The following CRISPLD2 variants were observed in gnomAD, a reference collection of about 807,000 sequenced individuals.
CRISPLD2 encodes cysteine rich secretory protein LCCL domain containing 2.
CRISPLD2 carries 47 observed loss-of-function variants against 71.1 expected under a neutral mutation model. The observed-to-expected ratio is 0.66, with a 90% confidence interval of 0.52 to 0.84. The LOEUF is 0.84. Ranked by LOEUF, CRISPLD2 falls within the 40% of genes least tolerant of loss-of-function variation. CRISPLD2 has a pLI of 0.00. For missense variants in CRISPLD2, 830 were observed against 651.1 expected (o/e 1.27, Z -2.99); for synonymous variants, 317 against 250.1 (o/e 1.27, Z -2.52).
In CRISPLD2 at chr16:84,887,338, C is replaced by G. The variant is rs74031012; in HGVS notation, c.1306-1892C>G. 6.8e-3 allele frequency among the ~76,000 whole-genome samples: 1,031 copies of G among 152,316 alleles called. 8 individuals are homozygous for G. Among genetic ancestry groups the G allele is most frequent in the African/African-American group, 0.024 (991 of 41,562 alleles). The stretch of plus-strand genomic sequence containing the variant: ...GAGTCTGCCCCGTTCACCCTCCCCA[C>G]CCTTGAACCACAAAGTGCCTGGGGG... On this transcript the variant is annotated intron_variant, in intron 13 of 14. Transcript: ENST00000262424.
intron 1 of CRISPLD2, among the ~76,000 whole-genome samples, chr16:84,821,882 T>G (rs1361999337): frequency 1.3e-5 from 2 of 152,226 alleles, no homozygotes; most frequent in African/African-American, 2.4e-5. Context: ...AGCTGGGCAC[T>G]TTTTACAAGG....
intron 2 of CRISPLD2, among the ~76,000 whole-genome samples, chr16:84,843,193 TGAGG>T (rs1916822147): frequency 6.6e-6 from 1 of 152,166 alleles, no homozygotes; most frequent in African/African-American, 2.4e-5. Context: ...TGGATGCTAC[TGAGG>T]CTACCTCGGA....
intron 14 of CRISPLD2, among the ~76,000 whole-genome samples, chr16:84,891,187 G>A (rs2143351882): frequency 6.6e-6 from 1 of 152,344 alleles, no homozygotes; most frequent in East Asian, 1.9e-4. Context: ...GGGCAATGTT[G>A]AAGATTTCAT....
intron 14 of CRISPLD2, among the ~76,000 whole-genome samples, chr16:84,905,894 G>GAA (rs1425465470): frequency 6.6e-6 from 1 of 151,852 alleles, no homozygotes; most frequent in African/African-American, 2.4e-5. Context: ...ATTTTTCGTA[G>GAA]AGATGGGGTT....
intron 1 of CRISPLD2, among the ~76,000 whole-genome samples, chr16:84,827,849 G>A (rs1050784309): frequency 3.3e-5 from 5 of 151,818 alleles, no homozygotes; most frequent in East Asian, 1.9e-4. Flanking sequence ...TTACAGGTGC[G>A]AGCCGCCGCA....
chr16:84,845,713 G>C, intron 2 of CRISPLD2, 73 bp from the exon 3 acceptor site: 1 of 981,064 alleles, frequency 1.0e-6, no homozygotes, highest in Non-Finnish European at 1.6e-6. Context: ...AGGCTGGGGC[G>C]TTGCTGTATT....
intron 1 of CRISPLD2, among the ~76,000 whole-genome samples, chr16:84,828,513 C>G (rs913281359): frequency 6.6e-6 from 1 of 152,078 alleles, no homozygotes; most frequent in Non-Finnish European, 1.5e-5. Flanking sequence ...TCTGGGAGTC[C>G]GTAATTCCTT....
chr16:84,849,299 C>A, intron 3 of CRISPLD2, 86 bp from the exon 4 acceptor site: 2 of 1,367,910 alleles, frequency 1.5e-6, no homozygotes, highest in Non-Finnish European at 2.0e-6. Flanking sequence ...CGGCCTCCCT[C>A]CCTCCTACCT....
intron 14 of CRISPLD2, 103 bp from the exon 15 acceptor site, chr16:84,906,485 C>A: frequency 8.4e-7 from 1 of 1,185,084 alleles, no homozygotes; most frequent in Non-Finnish European, 1.2e-6. Flanking sequence ...TCTTCCACTA[C>A]GGGAGCAAGC....
At chr16:84,903,923 G>A (rs1286943678) in intron 14 of CRISPLD2, among the ~76,000 whole-genome samples, 6 of 152,232 alleles carry the variant, frequency 3.9e-5, no homozygotes, top group Non-Finnish European at 8.8e-5. Context: ...CCTGTGGCTG[G>A]AAGTTCTACT....
intron 14 of CRISPLD2, among the ~76,000 whole-genome samples, chr16:84,900,134 T>C (rs559248173): frequency 1.3e-5 from 2 of 152,282 alleles, no homozygotes; most frequent in African/African-American, 4.8e-5. Flanking sequence ...GCGTTCTGCC[T>C]GGGTCTTGGC....
At chr16:84,849,227 C>A in intron 3 of CRISPLD2, 158 bp from the exon 4 acceptor site, 1 of 715,540 alleles carries the variant, frequency 1.4e-6, no homozygotes, top group East Asian at 2.7e-5. Flanking sequence ...TCCGCCTCCT[C>A]GGCCTCCCTC....
chr16:84,889,369 GT>G lies in CRISPLD2; in HGVS notation c.1439+7del, dbSNP rs761276869. The G allele has an allele frequency of 1.4e-5, 23 of 1,607,294 alleles. No homozygotes were observed. The South Asian group carries it at 2.3e-4, about 16-fold the overall frequency. On this transcript the variant is annotated splice_region_variant and intron_variant, in intron 14 of 14. Coordinates refer to ENST00000262424, the MANE Select transcript of CRISPLD2 (RefSeq NM_031476.4). ...AATGGAGTTCAGTCTGAAAGGTAGG[GT>G]GGTGTTCTCCAACCCTTGACACCCA...
chr16:84,902,347 C>T (rs1375275358), intron 14 of CRISPLD2, among the ~76,000 whole-genome samples: 12 of 151,852 alleles, frequency 7.9e-5, no homozygotes, highest in African/African-American at 2.9e-4. Context: ...CAGTGGCTCA[C>T]GCCTGTAATT....
At chr16:84,852,047 T>C (rs937255944) in intron 5 of CRISPLD2, among the ~76,000 whole-genome samples, 5 of 152,136 alleles carry the variant, frequency 3.3e-5, no homozygotes, top group Non-Finnish European at 7.4e-5. Flanking sequence ...GTGTGGCAGA[T>C]CAAGGGGTGG....
At chr16:84,867,840 G>A (rs564319243) in intron 7 of CRISPLD2, among the ~76,000 whole-genome samples, 1 of 152,254 alleles carries the variant, frequency 6.6e-6, no homozygotes, top group South Asian at 2.1e-4. Flanking sequence ...TGGCTCCCTG[G>A]GCACCTCAGC....
At chr16:84,842,384 T>TA (rs1916797603) in intron 2 of CRISPLD2, 1 of 146,910 alleles carries the variant, frequency 6.8e-6, no homozygotes, top group Admixed American at 6.8e-5. Flanking sequence ...TTCTTATTGT[T>TA]TTTTTTTTGA....
At chr16:84,852,779 A>T (rs564982135) in intron 5 of CRISPLD2, among the ~76,000 whole-genome samples, 2 of 152,276 alleles carry the variant, frequency 1.3e-5, no homozygotes, top group East Asian at 3.9e-4. Flanking sequence ...TTCAAAAATT[A>T]AGGAGACTGG....
intron 6 of CRISPLD2, chr16:84,862,901 G>A (rs12599750): frequency 0.19 from 29,584 of 152,176 alleles, 3,213 homozygotes; most frequent in East Asian, 0.42. Flanking sequence ...CTGACTGCCC[G>A]CTGGGGAGAG....
Sources: allele counts gnomAD v4.1 joint callset (sites outside exome capture counted in the v4.1 genomes callset), GRCh38; gene constraint gnomAD v4.1.1; transcripts MANE v1.5; gene names NCBI Gene and HGNC (gene_info 2026-07-23, HGNC 2026-07-21).